SYNE2: variants seen among roughly 807,000 people sequenced by gnomAD.
SYNE2 encodes spectrin repeat containing nuclear envelope protein 2.
Under a neutral mutation model 856.3 loss-of-function variants are expected in SYNE2, and 431 were observed. The ratio of observed to expected loss-of-function variants is 0.50; its 90% CI spans 0.47 to 0.55. The LOEUF is 0.55. Among genes scored for constraint, SYNE2 ranks in the 20% least tolerant of loss-of-function variants. SYNE2 has a pLI of 0.00. For missense variants in SYNE2, 8,129 were observed against 8,023.2 expected, an observed-to-expected ratio of 1.01 and a Z score of -0.50; for synonymous variants, 2,923 against 2,872.3, an observed-to-expected ratio of 1.02 and a Z score of -0.56.
At chr14:64,217,234 G>T (rs1211293729) in intron 108 of SYNE2, among the ~76,000 whole-genome samples, 1 of 152,162 alleles carries the variant, frequency 6.6e-6, no homozygotes, top group Admixed American at 6.5e-5. Flanking sequence ...GTGTATAAAG[G>T]TAAAAGAAGG....
intron 103 of SYNE2, 76 bp from the exon 104 acceptor site, chr14:64,211,885 C>G: frequency 1.2e-6 from 2 of 1,607,026 alleles, no homozygotes; most frequent in Non-Finnish European, 1.7e-6. Flanking sequence ...TTCTTGTGGC[C>G]GAAGGTGGCC....
chr14:63,833,958 T>C (rs1359206492), intron 1 of SYNE2, among the ~76,000 whole-genome samples: 1 of 152,132 alleles, frequency 6.6e-6, no homozygotes, highest in East Asian at 1.9e-4. Flanking sequence ...GAGTAACTAC[T>C]GTGTTGAGTC....
chr14:64,130,204 A>G lies in SYNE2; in HGVS notation c.14296A>G (p.Thr4766Ala), dbSNP rs779087409. Residue 4766 changes from threonine (T) to alanine (A), a missense_variant, in exon 76 of 116, where the codon ACC becomes GCC. By Grantham distance (58) the Thr-to-Ala change is moderately conservative (BLOSUM62 0). Transcript: ENST00000555002. ...GCTTGCTCATGGCCACTTAAAACAA[A>G]CCAAAAGTAAAGTGGCGTTACAGGC... ...EKLAHGHLKQ[T>A]KSKVALQAQI... 12 of 1,613,938 alleles carry G rather than the reference A, an allele frequency of 7.4e-6. No homozygotes were observed. The highest frequency in any genetic ancestry group is 8.5e-6 in the Non-Finnish European group (10 of 1,179,940).
intron 1 of SYNE2, among the ~76,000 whole-genome samples, chr14:63,765,334 C>T (rs1039911953): frequency 1.3e-5 from 2 of 152,136 alleles, no homozygotes; most frequent in Non-Finnish European, 2.9e-5. Context: ...CAAATTCATA[C>T]TCATATGCGA....
At chr14:64,184,346 GTGTGTGTGTGTGTGTGTA>G (rs1321356626) in intron 96 of SYNE2, among the ~76,000 whole-genome samples, 2 of 151,658 alleles carry the variant, frequency 1.3e-5, no homozygotes, top group African/African-American at 2.4e-5. Flanking sequence ...GTGTGTGTGT[GTGTGTGTGTGTGTGTGTA>G]TGTGTATGAA....
intron 104 of SYNE2, among the ~76,000 whole-genome samples, chr14:64,212,382 G>T (rs2098646120): frequency 6.6e-6 from 1 of 152,136 alleles, no homozygotes; most frequent in Admixed American, 6.5e-5. Context: ...TCTCTCCTTG[G>T]CCAGATTTTG....
At chr14:63,898,058 C>G (rs1207185764) in intron 1 of SYNE2, among the ~76,000 whole-genome samples, 2 of 152,218 alleles carry the variant, frequency 1.3e-5, no homozygotes, top group Non-Finnish European at 2.9e-5. Context: ...TGAAATCTCT[C>G]TGAACACAGC....
chr14:64,194,478 T>C (rs1377145861), intron 99 of SYNE2, among the ~76,000 whole-genome samples: 1 of 152,178 alleles, frequency 6.6e-6, no homozygotes, highest in Non-Finnish European at 1.5e-5. Context: ...TTTTGTTGTT[T>C]GTTTTTTGTA....
intron 96 of SYNE2, among the ~76,000 whole-genome samples, chr14:64,181,450 A>G (rs778599255): frequency 3.3e-5 from 5 of 152,238 alleles, no homozygotes; most frequent in Non-Finnish European, 7.3e-5. Flanking sequence ...TTGAGCAGCC[A>G]TAATTTTTCT....
rs2098334370 is a variant in SYNE2 at position 64,162,093 on chromosome 14, C to T, written c.16116C>T (p.Ala5372=). The T allele has an allele frequency of 6.2e-7, 1 of 1,614,042 alleles. No homozygotes were observed. The highest frequency in any genetic ancestry group is 8.5e-7 in the Non-Finnish European group (1 of 1,180,032). ...ACAGGTGGACTCAGGTGAACCAAGC[C>T]ATTGCAGACCAGTTGCAGAAGGCCC... is the stretch of plus-strand genomic sequence containing the variant. ...THKRWTQVNQ[A]IADQLQKAQS... The change falls in exon 88 of 116, where the codon GCC becomes GCT. Residue 5372 remains alanine, a synonymous_variant. Coordinates refer to ENST00000555002, the MANE Select transcript of SYNE2 (RefSeq NM_182914.3).
rs2098491895 is a variant in SYNE2, at chr14:64,186,513, A to G, written c.17646A>G (p.Glu5882=). The G allele has an allele frequency of 1.2e-6, 2 of 1,614,092 alleles. No individual in the cohort carries two copies. The highest frequency in any genetic ancestry group is 1.7e-6 in the Non-Finnish European group (2 of 1,180,036). ...ACTTAACCCGGCACGTTCTCGTGGA[A>G]GATGTGATGGTTTTGAAGGAGCAAA... The part of the protein sequence containing the change: ...KADLTRHVLV[E]DVMVLKEQIE... Residue 5882 remains glutamate (E), a synonymous_variant, in exon 97 of 116, where the codon GAA becomes GAG. Transcript: ENST00000555002.
At chr14:63,967,684 C>A (rs757532267) in intron 10 of SYNE2, 25 bp from the exon 11 acceptor site, 12 of 1,608,468 alleles carry the variant, frequency 7.5e-6, no homozygotes, top group Non-Finnish European at 9.4e-6. Flanking sequence ...CATTTTCAAT[C>A]TTTAAAATAC....
intron 1 of SYNE2, among the ~76,000 whole-genome samples, chr14:63,878,359 T>G (rs1195512419): frequency 6.6e-6 from 1 of 152,124 alleles, no homozygotes; most frequent in East Asian, 1.9e-4. Flanking sequence ...GGCTTTCCTG[T>G]GGAGGCAGTG....
chr14:63,910,481 T>G (rs1278266459), intron 2 of SYNE2, among the ~76,000 whole-genome samples: 1 of 152,216 alleles, frequency 6.6e-6, no homozygotes, highest in East Asian at 1.9e-4. Flanking sequence ...GGTAAGAATT[T>G]TTAAAATTTT....
At chr14:64,158,248 T>C (rs1249857357) in intron 85 of SYNE2, among the ~76,000 whole-genome samples, 1 of 152,262 alleles carries the variant, frequency 6.6e-6, no homozygotes, top group African/African-American at 2.4e-5. Flanking sequence ...ATTATCTCTG[T>C]TTTGTGGATG....
chr14:63,761,914 C>G, exon 1 of SYNE2: 2 of 237,354 alleles, frequency 8.4e-6, no homozygotes, highest in South Asian at 9.5e-5. Flanking sequence ...ACCGCCGTGA[C>G]GACCAGAGTA....
intron 100 of SYNE2, 71 bp downstream of exon 100, chr14:64,203,034 G>T (rs186519013): frequency 6.4e-7 from 1 of 1,573,756 alleles, no homozygotes; most frequent in Non-Finnish European, 8.7e-7. Context: ...GGCCTTCCCC[G>T]TATATCTATG....
At position 63,799,799 on chromosome 14, in the gene SYNE2, G is replaced by A. The variant is rs560186874; in HGVS notation, c.-305+37813G>A. On this transcript the variant is annotated intron_variant, in intron 1 of 23. Transcript: ENST00000674003. Reference sequence around the variant, plus strand: ...AGTATTTCTTCCAGTAGATGTCAGTGTCGCACTTGAAAAATGAACTTTCAC... The same window carrying A: ...AGTATTTCTTCCAGTAGATGTCAGTATCGCACTTGAAAAATGAACTTTCAC... Among the ~76,000 whole-genome samples, 19 of 152,286 alleles carry A rather than the reference G, an allele frequency of 1.2e-4. No individual in the cohort carries two copies. In the East Asian group the frequency reaches 3.7e-3, roughly 29 times the overall value.
chr14:63,940,711 A>G (rs761089620), intron 3 of SYNE2, 36 bp downstream of exon 3: 12 of 1,585,890 alleles, frequency 7.6e-6, no homozygotes, highest in African/African-American at 5.4e-5. Context: ...TTATAAATCT[A>G]TTTATTACTC....
Sources: allele counts gnomAD v4.1 joint callset (sites outside exome capture counted in the v4.1 genomes callset), GRCh38; gene constraint gnomAD v4.1.1; transcripts MANE v1.5; gene names NCBI Gene and HGNC (gene_info 2026-07-23, HGNC 2026-07-21).